LZTS1: variants seen among roughly 807,000 people sequenced by gnomAD.
LZTS1 encodes the protein leucine zipper tumor suppressor 1, also known as leucine zipper putative tumor suppressor 1.
A neutral mutation model predicts 45.8 loss-of-function variants in LZTS1; 31 were observed. The ratio of observed to expected loss-of-function variants is 0.68; its 90% confidence interval spans 0.51 to 0.91. The LOEUF is 0.91. Ranked by LOEUF, LZTS1 falls within the 40% of genes least tolerant of loss-of-function variation. LZTS1 has a pLI of 0.00. For missense variants in LZTS1, 821 were observed against 788.9 expected, an observed-to-expected ratio of 1.04 and a Z score of -0.49; for synonymous variants, 359 against 357.3, an observed-to-expected ratio of 1.00 and a Z score of -0.05.
rs569636662 is a variant in LZTS1, at chr8:20,286,637, G to A, written c.-135+17103C>T. 1.1e-3 allele frequency among the ~76,000 whole-genome samples: 164 copies of A among 152,270 alleles called. 1 individual carries two copies. The highest frequency in any genetic ancestry group is 6.3e-3 in the Admixed American group (97 of 15,286). On this transcript the variant is annotated intron_variant, in intron 1 of 3. Transcript: ENST00000381569. ...GAACACAAGCCCAGCAATCCCACTC[G>A]TAGAGGTACACCTGGCAGAAATGGC...
chr8:20,265,049 G>C (rs1800319437), intron 1 of LZTS1, among the ~76,000 whole-genome samples: 1 of 152,170 alleles, frequency 6.6e-6, no homozygotes, highest in Admixed American at 6.5e-5. Context: ...GTGGGTTCAA[G>C]TGCTGGGAAG....
At chr8:20,261,412 C>A (rs1056547343) in intron 1 of LZTS1, among the ~76,000 whole-genome samples, 3 of 152,190 alleles carry the variant, frequency 2.0e-5, no homozygotes, top group Non-Finnish European at 4.4e-5. Flanking sequence ...GACATGACCT[C>A]CCCTCCACTA....
At chr8:20,294,171 C>T (rs1014841144) in intron 1 of LZTS1, among the ~76,000 whole-genome samples, 8 of 152,114 alleles carry the variant, frequency 5.3e-5, no homozygotes, top group African/African-American at 1.9e-4. Flanking sequence ...AATCTTAGGA[C>T]CCTAGAGTTG....
rs1214348532 is a variant in LZTS1 at position 20,288,620 on chromosome 8, C to T, written c.-135+15120G>A. ...TCTGGCCAGTGGCAGTACCTGGCTT[C>T]AAACCTAGGTTGCGGTCAACAGCCG... On this transcript the variant is annotated intron_variant, in intron 1 of 3. Transcript: ENST00000381569. 2.0e-5 allele frequency among the ~76,000 whole-genome samples: 3 copies of T among 152,210 alleles called. No individual in the cohort carries two copies. In the South Asian group the frequency reaches 6.2e-4, roughly 32 times the overall value.
rs141752293 is a variant in LZTS1, at chr8:20,260,009, T to G, written c.-134-4694A>C. ...CTCCAGCTGCTGGGCTCAAGTGATC[T>G]TCCCACCTTAGCCCCAGAGTAGATG... On this transcript the variant is annotated intron_variant, in intron 1 of 3. Coordinates refer to ENST00000381569, the MANE Select transcript of LZTS1 (RefSeq NM_021020.5). Among the ~76,000 whole-genome samples, 681 of 152,246 alleles carry G rather than the reference T, an allele frequency of 4.5e-3. 5 individuals carry two copies. Among genetic ancestry groups the G allele is most frequent in the African/African-American group, 0.016 (657 of 41,540 alleles).
At chr8:20,264,412 C>A (rs1800306378) in intron 1 of LZTS1, among the ~76,000 whole-genome samples, 1 of 152,152 alleles carries the variant, frequency 6.6e-6, no homozygotes, top group South Asian at 2.1e-4. Flanking sequence ...GTTTTTAAAG[C>A]CCCGTTCCTT....
At position 20,288,493 on chromosome 8, in the gene LZTS1, G is replaced by A. The variant is rs560582694; in HGVS notation, c.-135+15247C>T. Among the ~76,000 whole-genome samples, 5 of 152,276 alleles carry A rather than the reference G, an allele frequency of 3.3e-5. No homozygotes were observed. In the South Asian group the frequency reaches 8.3e-4, roughly 25 times the overall value. On this transcript the variant is annotated intron_variant, in intron 1 of 3. Coordinates refer to ENST00000381569, the MANE Select transcript of LZTS1 (RefSeq NM_021020.5). The stretch of plus-strand genomic sequence containing the variant: ...GTGCACTAGGTATGGGACGATGTAC[G>A]ACACACACATGATCTGGTGCCTGCC...
intron 1 of LZTS1, among the ~76,000 whole-genome samples, chr8:20,260,805 C>T (rs1280464999): frequency 6.6e-6 from 1 of 152,206 alleles, no homozygotes; most frequent in African/African-American, 2.4e-5. Context: ...ACCTCCAGTC[C>T]TCCTGAGAGC....
At chr8:20,268,176 A>G (rs914286049) in intron 1 of LZTS1, among the ~76,000 whole-genome samples, 1 of 25,596 alleles carries the variant, frequency 3.9e-5, no homozygotes, top group Non-Finnish European at 9.3e-5. Flanking sequence ...CCCCACCCCC[A>G]CCCCCACTCC....
intron 3 of LZTS1, among the ~76,000 whole-genome samples, chr8:20,251,432 G>A (rs1192386857): frequency 6.6e-6 from 1 of 152,024 alleles, no homozygotes; most frequent in African/African-American, 2.4e-5. Flanking sequence ...AATTTCTACT[G>A]TGAAAGGAAA....
At chr8:20,250,451 C>T in intron 3 of LZTS1, 88 bp from the exon 4 acceptor site, 31 of 1,359,098 alleles carry the variant, frequency 2.3e-5, no homozygotes, top group Non-Finnish European at 3.0e-5. Flanking sequence ...AATAACCAAG[C>T]CACTCCGGAT....
intron 1 of LZTS1, among the ~76,000 whole-genome samples, chr8:20,270,775 T>C (rs1800455553): frequency 6.6e-6 from 1 of 151,118 alleles, no homozygotes. Flanking sequence ...AGGGCTCATC[T>C]TTTAGATGCA....
intron 1 of LZTS1, among the ~76,000 whole-genome samples, chr8:20,267,262 C>T (rs192192782): frequency 6.6e-6 from 1 of 152,154 alleles, no homozygotes; most frequent in African/African-American, 2.4e-5. Flanking sequence ...TTCTTTGTCC[C>T]CAGGGTGCTG....
chr8:20,262,216 C>G (rs1800248095), intron 1 of LZTS1, among the ~76,000 whole-genome samples: 1 of 152,244 alleles, frequency 6.6e-6, no homozygotes, highest in African/African-American at 2.4e-5. Context: ...TGCCAAGTAG[C>G]CTGTTGGCAG....
intron 1 of LZTS1, among the ~76,000 whole-genome samples, chr8:20,295,948 C>A (rs1800972264): frequency 6.6e-6 from 1 of 152,202 alleles, no homozygotes; most frequent in Non-Finnish European, 1.5e-5. Flanking sequence ...GTCTTCCCTC[C>A]TTCCCTCTCT....
chr8:20,251,552 C>A (rs576030757), intron 3 of LZTS1, among the ~76,000 whole-genome samples: 2 of 152,232 alleles, frequency 1.3e-5, no homozygotes, highest in East Asian at 3.9e-4. Flanking sequence ...CTCCCATGAC[C>A]CCAGATGGCC....
At chr8:20,258,170 T>G (rs565553327) in intron 1 of LZTS1, among the ~76,000 whole-genome samples, 61 of 152,316 alleles carry the variant, frequency 4.0e-4, no homozygotes, top group Non-Finnish European at 7.5e-4. Flanking sequence ...GAAGTATTTC[T>G]TAGTCAAAAG....
intron 1 of LZTS1, among the ~76,000 whole-genome samples, chr8:20,274,492 T>C (rs1322381576): frequency 6.6e-6 from 1 of 152,174 alleles, no homozygotes. Flanking sequence ...ATGTGGGCAC[T>C]CATGCCTCAG....
intron 1 of LZTS1, among the ~76,000 whole-genome samples, chr8:20,282,279 C>T (rs976100201): frequency 3.9e-5 from 6 of 152,206 alleles, no homozygotes; most frequent in Admixed American, 1.3e-4. Flanking sequence ...CTGTAGCCCT[C>T]CAGAGCACTG....
Sources: gnomAD v4.1 joint callset for allele counts (sites outside exome capture counted in the v4.1 genomes callset) on GRCh38, gnomAD v4.1.1 for gene constraint, MANE v1.5 for transcripts, NCBI Gene and HGNC (gene_info 2026-07-23, HGNC 2026-07-21) for gene names.